WWOX: variants seen among roughly 807,000 people sequenced by gnomAD.
The protein encoded by WWOX is WW domain containing oxidoreductase, also known as WW domain-containing oxidoreductase.
WWOX carries 69 observed loss-of-function variants against 46.2 expected under a neutral mutation model. The observed-to-expected ratio is 1.49, with a 90% CI of 1.23 to 1.82. WWOX has a LOEUF of 1.82. WWOX is among the 40% of genes most tolerant of loss of function. WWOX has a pLI of 0.00. For missense variants in WWOX, 919 were observed against 542.6 expected (o/e 1.69, Z -6.89); for synonymous variants, 359 against 202.6 (o/e 1.77, Z -6.56).
intron 8 of WWOX, among the ~76,000 whole-genome samples, chr16:78,560,558 C>A (rs2044411486): frequency 6.6e-6 from 1 of 152,126 alleles, no homozygotes; most frequent in African/African-American, 2.4e-5. Context: ...GCAGGAGAAT[C>A]CCTTGAACCT....
chr16:78,327,843 G>A (rs577192179), intron 5 of WWOX, among the ~76,000 whole-genome samples: 2 of 149,258 alleles, frequency 1.3e-5, no homozygotes, highest in South Asian at 2.2e-4. Context: ...AAGACATTAG[G>A]AATGAGCTAG....
At chr16:78,576,427 T>A (rs546992621) in intron 8 of WWOX, among the ~76,000 whole-genome samples, 1 of 152,238 alleles carries the variant, frequency 6.6e-6, no homozygotes, top group African/African-American at 2.4e-5. Context: ...TTGCACACTT[T>A]CCTTGTCTGG....
chr16:78,600,946 C>T (rs190744565), intron 8 of WWOX, among the ~76,000 whole-genome samples: 1 of 152,118 alleles, frequency 6.6e-6, no homozygotes, highest in South Asian at 2.1e-4. Context: ...TTTGGAGGTA[C>T]CTGGGCAAGA....
At chr16:78,341,087 G>C (rs1597063776) in intron 5 of WWOX, among the ~76,000 whole-genome samples, 1 of 112,146 alleles carries the variant, frequency 8.9e-6, no homozygotes. Context: ...TTACTTCTCA[G>C]CTGTCCCCAT....
At chr16:78,500,717 T>G (rs1053010932) in intron 8 of WWOX, among the ~76,000 whole-genome samples, 2 of 152,226 alleles carry the variant, frequency 1.3e-5, no homozygotes, top group African/African-American at 4.8e-5. Flanking sequence ...ACGTGTGTGT[T>G]TGTGCTGGAA....
intron 8 of WWOX, among the ~76,000 whole-genome samples, chr16:78,994,559 A>C (rs758447352): frequency 1.9e-4 from 29 of 152,340 alleles, no homozygotes; most frequent in Non-Finnish European, 3.5e-4. Context: ...TTCAGAAATG[A>C]ATGTGAAGAC....
intron 5 of WWOX, among the ~76,000 whole-genome samples, chr16:78,192,012 T>G (rs957436638): frequency 1.3e-5 from 2 of 152,186 alleles, no homozygotes; most frequent in Non-Finnish European, 2.9e-5. Context: ...CCATTTATTT[T>G]CTAGGCAAGT....
intron 8 of WWOX, among the ~76,000 whole-genome samples, chr16:78,957,495 A>C (rs1453838480): frequency 6.6e-6 from 1 of 152,200 alleles, no homozygotes; most frequent in Non-Finnish European, 1.5e-5. Flanking sequence ...GGGCTGAGAC[A>C]CCAGAACAGG....
At chr16:78,305,170 A>G (rs531504027) in intron 5 of WWOX, among the ~76,000 whole-genome samples, 1 of 152,186 alleles carries the variant, frequency 6.6e-6, no homozygotes, top group Non-Finnish European at 1.5e-5. Flanking sequence ...GTATTAGGCC[A>G]GGACTTCATA....
chr16:78,818,563 T>G (rs781142770), intron 8 of WWOX, among the ~76,000 whole-genome samples: 2 of 152,044 alleles, frequency 1.3e-5, no homozygotes, highest in Non-Finnish European at 2.9e-5. Context: ...AGACCCAATC[T>G]CTCCAAAAAG....
At chr16:78,695,926 GCATCAC>G (rs954800343) in intron 8 of WWOX, among the ~76,000 whole-genome samples, 4 of 152,164 alleles carry the variant, frequency 2.6e-5, no homozygotes. Flanking sequence ...TGGACCGGCA[GCATCAC>G]CATCACCTGG....
chr16:78,763,486 C>G (rs1486007007), intron 8 of WWOX, among the ~76,000 whole-genome samples: 1 of 152,096 alleles, frequency 6.6e-6, no homozygotes, highest in African/African-American at 2.4e-5. Context: ...GATAGAGGCA[C>G]TTTTTGGGGG....
intron 8 of WWOX, among the ~76,000 whole-genome samples, chr16:79,025,146 T>C (rs775049685): frequency 3.9e-5 from 6 of 152,190 alleles, no homozygotes; most frequent in South Asian, 2.1e-4. Context: ...TTTGTTTTGC[T>C]TGTTGAGCAA....
intron 8 of WWOX, among the ~76,000 whole-genome samples, chr16:79,178,099 A>G (rs184108518): frequency 2.0e-5 from 3 of 152,314 alleles, no homozygotes; most frequent in Admixed American, 1.3e-4. Context: ...CAAAGGCCCT[A>G]TCTTCTAATA....
intron 8 of WWOX, among the ~76,000 whole-genome samples, chr16:78,435,077 G>C (rs1180686633): frequency 6.6e-6 from 1 of 152,144 alleles, no homozygotes; most frequent in Non-Finnish European, 1.5e-5. Flanking sequence ...AATTAAGTTG[G>C]ATCGGTGACT....
At position 79,022,551 on chromosome 16, in the gene WWOX, A is replaced by G. The variant is rs960180382; in HGVS notation, c.1057-189057A>G. Among the ~76,000 whole-genome samples, 11 of 152,268 alleles carry G rather than the reference A, an allele frequency of 7.2e-5. No individual in the cohort carries two copies. In the East Asian group the frequency reaches 1.5e-3, roughly 21 times the overall value. ...CCGATGATTGCTCATTCTCTTTCCAATAATATCTTTGCAGGACAAAGAGGA... is the reference window on the plus strand; with the variant it reads ...CCGATGATTGCTCATTCTCTTTCCAGTAATATCTTTGCAGGACAAAGAGGA... On this transcript the variant is annotated intron_variant, in intron 8 of 8. Coordinates refer to ENST00000566780, the MANE Select transcript of WWOX (RefSeq NM_016373.4).
At chr16:79,051,093 A>T (rs951846743) in intron 8 of WWOX, among the ~76,000 whole-genome samples, 1 of 152,204 alleles carries the variant, frequency 6.6e-6, no homozygotes, top group South Asian at 2.1e-4. Flanking sequence ...ACAACAGTAA[A>T]ATAAACAGGT....
intron 5 of WWOX, among the ~76,000 whole-genome samples, chr16:78,258,279 G>A (rs188452680): frequency 5.5e-4 from 83 of 152,164 alleles, no homozygotes; most frequent in African/African-American, 1.8e-3. Flanking sequence ...AAATTCTACC[G>A]TATATTGTTT....
chr16:78,829,487 C>G (rs2051755114), intron 8 of WWOX, among the ~76,000 whole-genome samples: 2 of 152,174 alleles, frequency 1.3e-5, no homozygotes, highest in Non-Finnish European at 2.9e-5. Context: ...CTCACAGACA[C>G]ACACTCAGAA....
Sources: allele counts gnomAD v4.1 joint callset (sites outside exome capture counted in the v4.1 genomes callset), GRCh38; gene constraint gnomAD v4.1.1; transcripts MANE v1.5; gene names NCBI Gene and HGNC (gene_info 2026-07-23, HGNC 2026-07-21).